CA10: variants seen among roughly 807,000 people sequenced by gnomAD.
The protein encoded by CA10 is carbonic anhydrase 10 (inactive).
Under a neutral mutation model 44.2 loss-of-function variants are expected in CA10, and 14 were observed. The observed-to-expected ratio is 0.32, with a 90% CI of 0.21 to 0.50. The LOEUF (loss-of-function observed/expected upper bound fraction) is 0.50. Ranked by LOEUF, CA10 falls within the 20% of genes least tolerant of loss-of-function variation. The pLI is 0.99. For missense variants in CA10, 350 were observed against 409.7 expected (o/e 0.85, Z 1.26); for synonymous variants, 159 against 141.6 (o/e 1.12, Z -0.87).
At chr17:51,830,268 G>A (rs915234142) in intron 3 of CA10, among the ~76,000 whole-genome samples, 5 of 151,292 alleles carry the variant, frequency 3.3e-5, no homozygotes, top group Non-Finnish European at 5.9e-5. Flanking sequence ...ATAGGTGACT[G>A]AGCATGAAGA....
chr17:52,051,173 A>C (rs1384148569), intron 2 of CA10, among the ~76,000 whole-genome samples: 1 of 151,724 alleles, frequency 6.6e-6, no homozygotes, highest in East Asian at 1.9e-4. Flanking sequence ...AAGAAAAGAA[A>C]CAAAGGAACA....
At chr17:51,687,908 T>A (rs988509643) in intron 4 of CA10, among the ~76,000 whole-genome samples, 1 of 152,218 alleles carries the variant, frequency 6.6e-6, no homozygotes, top group African/African-American at 2.4e-5. Context: ...CCACCTGATA[T>A]TCATGCTCCT....
intron 2 of CA10, among the ~76,000 whole-genome samples, chr17:51,971,571 T>C (rs1012170835): frequency 1.4e-5 from 2 of 147,922 alleles, no homozygotes; most frequent in African/African-American, 5.0e-5. Context: ...AATCAGGACT[T>C]GTGCTATTTC....
At chr17:51,963,850 C>T (rs1283435155) in intron 2 of CA10, among the ~76,000 whole-genome samples, 1 of 152,022 alleles carries the variant, frequency 6.6e-6, no homozygotes, top group Non-Finnish European at 1.5e-5. Context: ...ATAAAGCAAC[C>T]AAACAATAGA....
At chr17:51,989,407 A>G (rs1318288762) in intron 2 of CA10, among the ~76,000 whole-genome samples, 1 of 152,046 alleles carries the variant, frequency 6.6e-6, no homozygotes, top group Non-Finnish European at 1.5e-5. Context: ...ATAAGTGAGA[A>G]CATGTGGTAT....
chr17:51,954,930 T>C (rs760715709), intron 2 of CA10, among the ~76,000 whole-genome samples: 5 of 151,802 alleles, frequency 3.3e-5, no homozygotes, highest in Non-Finnish European at 7.4e-5. Context: ...TTCCAGGGAG[T>C]CTGTGTAACA....
intron 1 of CA10, among the ~76,000 whole-genome samples, chr17:52,156,762 G>A (rs1989812156): frequency 6.6e-6 from 1 of 152,210 alleles, no homozygotes; most frequent in African/African-American, 2.4e-5. Context: ...GCAGGCAGAA[G>A]GGAGCACTAC....
At chr17:51,920,719 C>T (rs1393430502) in intron 3 of CA10, among the ~76,000 whole-genome samples, 2 of 152,152 alleles carry the variant, frequency 1.3e-5, no homozygotes, top group South Asian at 4.2e-4. Context: ...TGCATGAGAA[C>T]CTGATACCCA....
At chr17:51,745,229 C>T (rs1023190383) in intron 4 of CA10, among the ~76,000 whole-genome samples, 4 of 152,096 alleles carry the variant, frequency 2.6e-5, no homozygotes, top group Middle Eastern at 6.8e-3. Flanking sequence ...ATAATTCAGG[C>T]GGAGTTTCAC....
intron 2 of CA10, among the ~76,000 whole-genome samples, chr17:51,958,847 C>T (rs1483746722): frequency 6.6e-6 from 1 of 151,986 alleles, no homozygotes; most frequent in African/African-American, 2.4e-5. Context: ...GGTTTGGTTC[C>T]AGCTCTGGCT....
At chr17:52,011,596 A>AT (rs1567702003) in intron 2 of CA10, among the ~76,000 whole-genome samples, 1 of 152,014 alleles carries the variant, frequency 6.6e-6, no homozygotes, top group Non-Finnish European at 1.5e-5. Context: ...GAACATTTGG[A>AT]TTTTTTTCTT....
chr17:52,064,218 A>G (rs2907791), intron 2 of CA10, among the ~76,000 whole-genome samples: 150,740 of 152,292 alleles, frequency 0.99, 74,619 homozygotes, highest in East Asian at 1. Context: ...CCAAGGACCC[A>G]CATGAGCTTG....
intron 3 of CA10, among the ~76,000 whole-genome samples, chr17:51,901,784 TA>T (rs2143931962): frequency 6.6e-6 from 1 of 152,254 alleles, no homozygotes; most frequent in African/African-American, 2.4e-5. Context: ...TAGCAGCAGC[TA>T]ACATTTATTG....
intron 1 of CA10, among the ~76,000 whole-genome samples, chr17:52,124,698 G>T (rs933965981): frequency 1.3e-5 from 2 of 152,076 alleles, no homozygotes; most frequent in South Asian, 4.1e-4. Context: ...CCACCTTCAT[G>T]CCTCTAAGCC....
chr17:52,110,756 C>G (rs1391928580), intron 1 of CA10, among the ~76,000 whole-genome samples: 2 of 152,154 alleles, frequency 1.3e-5, no homozygotes, highest in African/African-American at 4.8e-5. Context: ...CATTCAAACC[C>G]TCCATATCCA....
At chr17:51,814,737 C>G (rs755793066) in intron 3 of CA10, among the ~76,000 whole-genome samples, 26 of 152,166 alleles carry the variant, frequency 1.7e-4, no homozygotes, top group Admixed American at 5.2e-4. Context: ...CAATGTGAAA[C>G]ATTTTACAGC....
At chr17:52,023,762 TAAAC>T (rs951440863) in intron 2 of CA10, among the ~76,000 whole-genome samples, 3 of 151,818 alleles carry the variant, frequency 2.0e-5, no homozygotes, top group Non-Finnish European at 2.9e-5. Context: ...AGACAGAACT[TAAAC>T]AATCCAACAA....
chr17:51,891,094 A>T (rs921380153), intron 3 of CA10, among the ~76,000 whole-genome samples: 3 of 152,222 alleles, frequency 2.0e-5, no homozygotes, highest in Non-Finnish European at 2.9e-5. Flanking sequence ...TCCAATGATT[A>T]TCAGTGGTAT....
At chr17:52,040,408 C>T (rs994980254) in intron 2 of CA10, among the ~76,000 whole-genome samples, 3 of 152,030 alleles carry the variant, frequency 2.0e-5, no homozygotes, top group African/African-American at 7.2e-5. Context: ...TGAAAGCCTT[C>T]TCTGCATTCT....
Sources: allele counts gnomAD v4.1 joint callset (sites outside exome capture counted in the v4.1 genomes callset), GRCh38; gene constraint gnomAD v4.1.1; transcripts MANE v1.5; gene names NCBI Gene and HGNC (gene_info 2026-07-23, HGNC 2026-07-21).